FER1L6: variants seen among roughly 807,000 people sequenced by gnomAD.
FER1L6 encodes fer-1 like family member 6, also known as fer-1-like protein 6.
In FER1L6, 177 loss-of-function variants were observed where a neutral mutation model predicts 219.2. The observed-to-expected ratio is 0.81, with a 90% CI of 0.71 to 0.91. The LOEUF (loss-of-function observed/expected upper bound fraction) is 0.91. Among genes scored for constraint, FER1L6 ranks in the 40% least tolerant of loss-of-function variants. The pLI, the probability that FER1L6 is intolerant of heterozygous loss-of-function variation, is 0.00. For missense variants in FER1L6, 2,153 were observed against 2,259.9 expected, an observed-to-expected ratio of 0.95 and a Z score of 0.96; for synonymous variants, 768 against 824.3, an observed-to-expected ratio of 0.93 and a Z score of 1.17.
At chr8:123,972,676 G>A (rs1815872138) in intron 6 of FER1L6, among the ~76,000 whole-genome samples, 2 of 152,170 alleles carry the variant, frequency 1.3e-5, no homozygotes, top group Non-Finnish European at 2.9e-5. Flanking sequence ...GAACCATAGA[G>A]GGGGACTTGC....
chr8:124,044,340 G>A lies in FER1L6; in HGVS notation c.2590-1427G>A, dbSNP rs139432382. On this transcript the variant is annotated intron_variant, in intron 20 of 40. Transcript: ENST00000522917. ...TCTCTGAAACGTTTAAAATCTTGTT[G>A]TGTCTCAGACATAAAGTACCCTAAA... Among the ~76,000 whole-genome samples, 529 of 152,240 alleles carry A rather than the reference G, an allele frequency of 3.5e-3. 2 individuals are homozygous for A. Among genetic ancestry groups the A allele is most frequent in the Middle Eastern group, 6.8e-3 (2 of 292 alleles).
chr8:124,071,098 G>C (rs1198100829), intron 30 of FER1L6, among the ~76,000 whole-genome samples: 1 of 152,176 alleles, frequency 6.6e-6, no homozygotes, highest in Admixed American at 6.5e-5. Flanking sequence ...TCTAGTTATA[G>C]TATTAACCAG....
chr8:124,021,423 C>T lies in FER1L6; in HGVS notation c.2014-127C>T, dbSNP rs1464410815. ...GGAGGCAGCATGCACGGTGGCAGACCCTGGAACAGTCCACGTGAGTGACTC... is the reference window on the plus strand; with the variant it reads ...GGAGGCAGCATGCACGGTGGCAGACTCTGGAACAGTCCACGTGAGTGACTC... On this transcript the variant is annotated intron_variant, in intron 16 of 40. Transcript: ENST00000522917. 1.0e-5 allele frequency: 13 copies of T among 1,299,188 alleles called. No homozygotes were observed. In the African/African-American group the frequency reaches 1.6e-4, roughly 16 times the overall value. 80.5% of individuals were successfully genotyped at this position (1,299,188 alleles called of 1,614,324 possible). A position where few individuals can be genotyped will look rare whatever the true frequency, so the allele number is the denominator to read the frequency against.
At chr8:124,039,338 A>C (rs116950372) in intron 19 of FER1L6, among the ~76,000 whole-genome samples, 7 of 152,276 alleles carry the variant, frequency 4.6e-5, no homozygotes, top group African/African-American at 1.7e-4. Flanking sequence ...CTTGAGACAT[A>C]TATTGTGTTT....
chr8:123,889,503 G>A (rs1019950338), intron 1 of FER1L6, among the ~76,000 whole-genome samples: 1 of 152,020 alleles, frequency 6.6e-6, no homozygotes, highest in Non-Finnish European at 1.5e-5. Flanking sequence ...GATAGTTCAG[G>A]ATTTTTTGCT....
At chr8:123,902,145 T>C (rs986013118) in intron 1 of FER1L6, among the ~76,000 whole-genome samples, 3 of 152,212 alleles carry the variant, frequency 2.0e-5, no homozygotes, top group African/African-American at 7.2e-5. Context: ...TGATTTCCAG[T>C]TTTATTCCAC....
In FER1L6 at chr8:123,890,625, A is replaced by ATTTTTTTTTT. The variant is rs59914385; in HGVS notation, c.-8+38455_-8+38464dup. ...GAGCACACTAGCCATTAAAAATTTG[A>ATTTTTTTTTT]TTTTTTTTTTTTTTTTTTTTTTTTA... On this transcript the variant is annotated intron_variant, in intron 1 of 40. Transcript: ENST00000522917. Among the ~76,000 whole-genome samples, 37 of 91,426 alleles carry ATTTTTTTTTT rather than the reference A, an allele frequency of 4.0e-4. 5 individuals are homozygous for ATTTTTTTTTT. The highest frequency in any genetic ancestry group is 6.9e-4 in the East Asian group (2 of 2,898). The allele number at this position is 91,426 out of a possible 152,430, so 60.0% of individuals were successfully genotyped here. A position where few individuals can be genotyped will look rare whatever the true frequency, so the allele number is the denominator to read the frequency against.
intron 6 of FER1L6, among the ~76,000 whole-genome samples, chr8:123,971,459 T>C (rs1815811947): frequency 1.3e-5 from 2 of 152,222 alleles, no homozygotes; most frequent in South Asian, 4.1e-4. Context: ...AAGGATTGTC[T>C]GATGAACAGT....
chr8:124,076,127 C>T, intron 31 of FER1L6, 71 bp from the exon 32 acceptor site: 1 of 1,582,930 alleles, frequency 6.3e-7, no homozygotes. Flanking sequence ...TTTGAAAGCA[C>T]CAAGGTAATC....
intron 1 of FER1L6, among the ~76,000 whole-genome samples, chr8:123,858,898 T>C (rs544895165): frequency 1.6e-3 from 242 of 152,344 alleles, no homozygotes; most frequent in African/African-American, 5.4e-3. Flanking sequence ...GACCACTCAT[T>C]TGGAAGTAGG....
intron 1 of FER1L6, among the ~76,000 whole-genome samples, chr8:123,943,496 C>A (rs1814347125): frequency 6.6e-6 from 1 of 152,156 alleles, no homozygotes; most frequent in Non-Finnish European, 1.5e-5. Flanking sequence ...TGCACACACA[C>A]AGAAAGGACA....
At position 123,973,465 on chromosome 8, in the gene FER1L6, T is replaced by A; in HGVS notation, c.479T>A (p.Leu160Gln). 6.2e-7 allele frequency: 1 copy of A among 1,614,158 alleles called. No individual in the cohort carries two copies. The highest frequency in any genetic ancestry group is 1.1e-5 in the South Asian group (1 of 91,086). The change falls in exon 7 of 41, where the codon CTG becomes CAG. Residue 160 changes from leucine to glutamine, a missense_variant. Physicochemically the swap from Leu to Gln is moderately radical, Grantham distance 113. Transcript: ENST00000522917. Reference protein sequence around the residue: ...VFHHKLIGSVLIGSFKVDLGT... With the variant: ...VFHHKLIGSVQIGSFKVDLGT... ...CACCACAAGCTGATAGGAAGTGTAC[T>A]GATTGGCTCTTTCAAAGTAGACCTG...
At chr8:124,107,920 G>C (rs1822847149) in intron 39 of FER1L6, among the ~76,000 whole-genome samples, 1 of 152,178 alleles carries the variant, frequency 6.6e-6, no homozygotes, top group African/African-American at 2.4e-5. Context: ...AGATCCCACA[G>C]AGGATTTCCG....
intron 13 of FER1L6, among the ~76,000 whole-genome samples, chr8:124,004,885 C>A (rs1563737670): frequency 6.6e-6 from 1 of 151,816 alleles, no homozygotes; most frequent in Non-Finnish European, 1.5e-5. Flanking sequence ...GTGATCCCAG[C>A]TACTCAAGAG....
chr8:124,100,526 G>A (rs1278631745), intron 37 of FER1L6, among the ~76,000 whole-genome samples: 1 of 152,182 alleles, frequency 6.6e-6, no homozygotes, highest in East Asian at 1.9e-4. Context: ...CCAGATGGGT[G>A]CAGGCAGCCC....
chr8:124,068,151 C>A (rs1362109655), intron 28 of FER1L6, among the ~76,000 whole-genome samples: 2 of 152,106 alleles, frequency 1.3e-5, no homozygotes, highest in African/African-American at 4.8e-5. Context: ...AGGTGAGTTC[C>A]AAAACTCAGT....
chr8:124,052,098 T>C (rs920250283), intron 22 of FER1L6, among the ~76,000 whole-genome samples: 4 of 152,186 alleles, frequency 2.6e-5, no homozygotes, highest in African/African-American at 9.7e-5. Context: ...GAACCAGATC[T>C]AGTCAAATAG....
At chr8:123,974,659 CAAAAAAA>C (rs994690186) in intron 7 of FER1L6, among the ~76,000 whole-genome samples, 19 of 47,790 alleles carry the variant, frequency 4.0e-4, no homozygotes, top group Middle Eastern at 0.014. Context: ...GACTCTGTCT[CAAAAAAA>C]AAAAAAAAAA....
At chr8:123,931,650 A>T (rs1462171404) in intron 1 of FER1L6, among the ~76,000 whole-genome samples, 2 of 152,346 alleles carry the variant, frequency 1.3e-5, no homozygotes, top group South Asian at 4.1e-4. Context: ...CAAGGATGAG[A>T]TTGAACAGAG....
Sources: allele counts gnomAD v4.1 joint callset (sites outside exome capture counted in the v4.1 genomes callset), GRCh38; gene constraint gnomAD v4.1.1; transcripts MANE v1.5; gene names NCBI Gene and HGNC (gene_info 2026-07-23, HGNC 2026-07-21).